LRRC28: variants seen among roughly 807,000 people sequenced by gnomAD.
LRRC28 encodes the protein leucine-rich repeat-containing protein 28.
Under a neutral mutation model 45.7 loss-of-function variants are expected in LRRC28, and 39 were observed. The ratio of observed to expected loss-of-function variants is 0.85; its 90% CI spans 0.66 to 1.12. The LOEUF is 1.12. Ranked by LOEUF, LRRC28 falls within the 50% of genes most tolerant of loss-of-function variation. The probability of loss-of-function intolerance (pLI) is 0.00; values close to 1 mark genes in which losing one functional copy is unlikely to be tolerated. For missense variants in LRRC28, 435 were observed against 438.5 expected (o/e 0.99, Z 0.07); for synonymous variants, 206 against 178.8 (o/e 1.15, Z -1.22).
intron 2 of LRRC28, among the ~76,000 whole-genome samples, chr15:99,264,182 A>G (rs962558056): frequency 2.0e-5 from 3 of 152,240 alleles, no homozygotes; most frequent in African/African-American, 7.2e-5. Context: ...GGGTTGGACC[A>G]CACAATCTAA....
intron 9 of LRRC28, among the ~76,000 whole-genome samples, chr15:99,376,609 T>A (rs1957642567): frequency 6.6e-6 from 1 of 152,196 alleles, no homozygotes; most frequent in Admixed American, 6.5e-5. Flanking sequence ...TATGTATACA[T>A]GTGCCATGTT....
intron 9 of LRRC28, among the ~76,000 whole-genome samples, chr15:99,371,425 G>A (rs1032170484): frequency 6.6e-6 from 1 of 151,994 alleles, no homozygotes; most frequent in Non-Finnish European, 1.5e-5. Flanking sequence ...TTTGTTAGAG[G>A]GCCTGCAAAA....
chr15:99,371,969 A>C (rs1012079164), intron 9 of LRRC28, among the ~76,000 whole-genome samples: 1 of 152,226 alleles, frequency 6.6e-6, no homozygotes. Context: ...CTGTTTCTGC[A>C]CACAGAATCT....
chr15:99,302,087 C>G (rs1002503434), intron 5 of LRRC28, among the ~76,000 whole-genome samples: 2 of 149,918 alleles, frequency 1.3e-5, no homozygotes, highest in Admixed American at 6.7e-5. Context: ...AGTGCAGAGG[C>G]GCGATCTCAG....
In LRRC28 at chr15:99,386,199, C is replaced by T. The variant is rs1199280186; in HGVS notation, c.*97C>T. 2.2e-6 allele frequency: 2 copies of T among 916,752 alleles called. No homozygotes were observed. Among genetic ancestry groups the T allele is most frequent in the Admixed American group, 1.8e-5 (1 of 56,136 alleles). The allele number at this position is 916,752 out of a possible 1,614,324, so 56.8% of individuals were successfully genotyped here. ...CATCCTGTCCTGTCCAATGCGGGGGCACTGCAGAACTCTCTAGAAATGTCA... is the reference window on the plus strand; with the variant it reads ...CATCCTGTCCTGTCCAATGCGGGGGTACTGCAGAACTCTCTAGAAATGTCA... On this transcript the variant is annotated 3_prime_UTR_variant, in exon 10 of 10. Coordinates refer to ENST00000301981, the MANE Select transcript of LRRC28 (RefSeq NM_144598.5).
At chr15:99,339,779 A>C (rs909808676) in intron 6 of LRRC28, among the ~76,000 whole-genome samples, 1 of 152,190 alleles carries the variant, frequency 6.6e-6, no homozygotes, top group African/African-American at 2.4e-5. Flanking sequence ...TGAGATTTAC[A>C]GAATAGCTTG....
chr15:99,351,780 C>T (rs78683929), intron 6 of LRRC28, among the ~76,000 whole-genome samples: 4,471 of 152,210 alleles, frequency 0.029, 196 homozygotes, highest in African/African-American at 0.1. Flanking sequence ...TATTTGAGAC[C>T]ATCAGCCTAG....
chr15:99,293,645 T>C (rs1458011708), intron 5 of LRRC28, among the ~76,000 whole-genome samples: 2 of 93,994 alleles, frequency 2.1e-5, no homozygotes, highest in African/African-American at 7.0e-5. Context: ...CTAAACAATA[T>C]TTACCTGAAT....
chr15:99,273,741 G>T (rs924647652), intron 2 of LRRC28, among the ~76,000 whole-genome samples: 3 of 152,224 alleles, frequency 2.0e-5, no homozygotes, highest in Non-Finnish European at 2.9e-5. Flanking sequence ...GGAAAGATTA[G>T]AATGCTATTT....
At chr15:99,285,357 TTGCATTCATGGC>T (rs1156932149) in intron 3 of LRRC28, 5 of 742,914 alleles carry the variant, frequency 6.7e-6, no homozygotes, top group Admixed American at 3.4e-5. Flanking sequence ...TTGTGTGGCT[TTGCATTCATGGC>T]TGCATCCACC....
intron 5 of LRRC28, among the ~76,000 whole-genome samples, chr15:99,290,117 G>A (rs7174369): frequency 0.44 from 67,247 of 151,200 alleles, 15,823 homozygotes; most frequent in East Asian, 0.67. Context: ...AATTAGCCGG[G>A]TGTGGTGGCA....
At chr15:99,323,129 G>C (rs963144420) in intron 5 of LRRC28, among the ~76,000 whole-genome samples, 2 of 152,138 alleles carry the variant, frequency 1.3e-5, no homozygotes, top group African/African-American at 4.8e-5. Flanking sequence ...TCTCAGAACA[G>C]AAGCATCAAA....
At chr15:99,351,341 A>G (rs2152315299) in intron 6 of LRRC28, among the ~76,000 whole-genome samples, 1 of 152,062 alleles carries the variant, frequency 6.6e-6, no homozygotes, top group Non-Finnish European at 1.5e-5. Context: ...TTATTTCCTC[A>G]CTGGATCCTC....
intron 1 of LRRC28, among the ~76,000 whole-genome samples, chr15:99,253,307 G>C (rs1051680502): frequency 2.6e-5 from 4 of 152,192 alleles, no homozygotes; most frequent in African/African-American, 9.7e-5. Flanking sequence ...TTTTAGTAGA[G>C]ATGGGGTTTC....
intron 9 of LRRC28, among the ~76,000 whole-genome samples, chr15:99,364,765 G>A (rs1957296752): frequency 6.6e-6 from 1 of 152,154 alleles, no homozygotes; most frequent in Admixed American, 6.5e-5. Flanking sequence ...AGAATTAAAT[G>A]TGATCATCCC....
At chr15:99,380,833 C>A (rs552383877) in intron 9 of LRRC28, among the ~76,000 whole-genome samples, 1 of 152,308 alleles carries the variant, frequency 6.6e-6, no homozygotes, top group South Asian at 2.1e-4. Flanking sequence ...ATTGAAAATT[C>A]TTTTCTTTAA....
chr15:99,283,022 AG>A (rs2081850214), intron 3 of LRRC28, among the ~76,000 whole-genome samples: 1 of 151,930 alleles, frequency 6.6e-6, no homozygotes, highest in Non-Finnish European at 1.5e-5. Flanking sequence ...CCTCCCAGGT[AG>A]CTGGGATTAC....
chr15:99,342,974 G>A (rs753612933), intron 6 of LRRC28, among the ~76,000 whole-genome samples: 64 of 152,034 alleles, frequency 4.2e-4, no homozygotes, highest in Non-Finnish European at 7.8e-4. Flanking sequence ...GTGGTTGAAG[G>A]GTTCTCTTTG....
In LRRC28 at chr15:99,287,959, T is replaced by C. The variant is rs750637374; in HGVS notation, c.385+8T>C. 1 of 1,612,922 alleles carries C rather than the reference T, an allele frequency of 6.2e-7. No individual in the cohort carries two copies. The highest frequency in any genetic ancestry group is 8.5e-7 in the Non-Finnish European group (1 of 1,179,344). On this transcript the variant is annotated splice_region_variant and intron_variant, in intron 5 of 9. Coordinates refer to ENST00000301981, the MANE Select transcript of LRRC28 (RefSeq NM_144598.5). Reference sequence around the variant, plus strand: ...TGCAATTCCTACCTCCAGGTAATCATAGTCTCTAGCACACTATAGTTTCTT... The same window carrying C: ...TGCAATTCCTACCTCCAGGTAATCACAGTCTCTAGCACACTATAGTTTCTT...
Sources: gnomAD v4.1 joint callset for allele counts (sites outside exome capture counted in the v4.1 genomes callset) on GRCh38, gnomAD v4.1.1 for gene constraint, MANE v1.5 for transcripts, NCBI Gene and HGNC (gene_info 2026-07-23, HGNC 2026-07-21) for gene names.